The following SHB variants were observed in gnomAD, a reference collection of about 807,000 sequenced individuals.
SHB encodes the protein SH2 domain-containing adapter protein B.
SHB carries 20 observed loss-of-function variants against 52.3 expected under a neutral mutation model. The observed-to-expected ratio is 0.38, with a 90% CI of 0.27 to 0.56. The LOEUF is 0.56. SHB is among the 20% of genes least tolerant of loss of function. SHB has a pLI of 0.71. For missense variants in SHB, 825 were observed against 723.3 expected, an observed-to-expected ratio of 1.14 and a Z score of -1.61; for synonymous variants, 397 against 316.5, an observed-to-expected ratio of 1.25 and a Z score of -2.70.
chr9:37,985,024 C>A (rs1431028298), intron 2 of SHB, among the ~76,000 whole-genome samples: 1 of 152,204 alleles, frequency 6.6e-6, no homozygotes, highest in Admixed American at 6.5e-5. Flanking sequence ...GTTTCCGGAG[C>A]TGTCTAGGAG....
intron 3 of SHB, among the ~76,000 whole-genome samples, chr9:37,958,039 C>T (rs917271222): frequency 4.6e-5 from 7 of 152,172 alleles, no homozygotes; most frequent in African/African-American, 1.4e-4. Context: ...CGTGGAGAGC[C>T]GTTCTGACTG....
rs1832153250 is a variant in SHB at position 37,919,760 on chromosome 9, G to T, written c.*61C>A. The T allele has an allele frequency of 7.2e-7, 1 of 1,390,122 alleles. No homozygotes were observed. Among genetic ancestry groups the T allele is most frequent in the Non-Finnish European group, 1.0e-6 (1 of 986,232 alleles). The allele number at this position is 1,390,122 out of a possible 1,614,324, so 86.1% of individuals were successfully genotyped here. A position where few individuals can be genotyped will look rare whatever the true frequency, so the allele number is the denominator to read the frequency against. Reference sequence around the variant, plus strand: ...GCAACAGTGGCTGGGCTGGTTGGTGGGGGGCCTCTGGCACCTCCAAGTCTC... The same window carrying T: ...GCAACAGTGGCTGGGCTGGTTGGTGTGGGGCCTCTGGCACCTCCAAGTCTC... On this transcript the variant is annotated 3_prime_UTR_variant, in exon 6 of 6. Coordinates refer to ENST00000377707, the MANE Select transcript of SHB (RefSeq NM_003028.3).
At chr9:37,956,173 G>A in intron 3 of SHB, 119 bp from the exon 4 acceptor site, 4 of 903,282 alleles carry the variant, frequency 4.4e-6, no homozygotes, top group East Asian at 2.7e-5. Context: ...CAGGAGGAAG[G>A]GTTTCAAGCA....
At chr9:37,937,180 C>T (rs1210420647) in intron 5 of SHB, among the ~76,000 whole-genome samples, 1 of 152,142 alleles carries the variant, frequency 6.6e-6, no homozygotes, top group Non-Finnish European at 1.5e-5. Flanking sequence ...ATGTCTTTGT[C>T]TCCTCACCCA....
chr9:37,967,632 C>T (rs926409321), intron 3 of SHB, among the ~76,000 whole-genome samples: 5 of 152,218 alleles, frequency 3.3e-5, no homozygotes, highest in Non-Finnish European at 7.3e-5. Flanking sequence ...TCTATGTTCT[C>T]AAAGTGGGGT....
At chr9:38,010,209 A>G (rs1015945831) in intron 2 of SHB, among the ~76,000 whole-genome samples, 5 of 152,170 alleles carry the variant, frequency 3.3e-5, no homozygotes, top group Non-Finnish European at 7.3e-5. Flanking sequence ...ACATCCCTAT[A>G]CCTCATAGGC....
At chr9:38,057,259 G>A (rs151238193) in intron 1 of SHB, among the ~76,000 whole-genome samples, 106 of 152,042 alleles carry the variant, frequency 7.0e-4, no homozygotes, top group African/African-American at 2.5e-3. Context: ...ATGTCTTTAC[G>A]TTTAAAAAAA....
chr9:38,024,787 C>T (rs761673891), intron 1 of SHB, among the ~76,000 whole-genome samples: 4 of 152,180 alleles, frequency 2.6e-5, no homozygotes, highest in Non-Finnish European at 5.9e-5. Flanking sequence ...GAAAATCCAG[C>T]ACATCCCTCC....
At chr9:38,018,251 AGGTTTGC>A (rs1383541075) in intron 1 of SHB, among the ~76,000 whole-genome samples, 2 of 152,178 alleles carry the variant, frequency 1.3e-5, no homozygotes, top group Non-Finnish European at 2.9e-5. Flanking sequence ...GCAAACACAG[AGGTTTGC>A]AGGATATAAA....
At chr9:37,925,190 C>T (rs911889609) in intron 5 of SHB, among the ~76,000 whole-genome samples, 3 of 152,244 alleles carry the variant, frequency 2.0e-5, no homozygotes, top group Non-Finnish European at 4.4e-5. Context: ...GGCAATGAGG[C>T]CCCATGCATC....
intron 1 of SHB, among the ~76,000 whole-genome samples, chr9:38,059,772 A>G (rs1471803737): frequency 1.3e-5 from 2 of 152,096 alleles, no homozygotes; most frequent in African/African-American, 4.8e-5. Flanking sequence ...GCCTCAACAC[A>G]AGGTCAACAC....
rs961766628 is a variant in SHB, at chr9:37,917,010, T to A, written c.*2811A>T. On this transcript the variant is annotated 3_prime_UTR_variant, in exon 6 of 6. Coordinates refer to ENST00000377707, the MANE Select transcript of SHB (RefSeq NM_003028.3). The stretch of plus-strand genomic sequence containing the variant: ...TTCTCTCAAAGAAATCCAGCTCAAT[T>A]TTTTCCCCAATTAATTGGCAGCAGA... Among the ~76,000 whole-genome samples the A allele has an allele frequency of 6.6e-6, 1 of 151,540 alleles. No individual in the cohort carries two copies. Among genetic ancestry groups the A allele is most frequent in the African/African-American group, 2.4e-5 (1 of 41,220 alleles).
intron 5 of SHB, among the ~76,000 whole-genome samples, chr9:37,931,850 A>C (rs1832314418): frequency 6.6e-6 from 1 of 152,248 alleles, no homozygotes; most frequent in African/African-American, 2.4e-5. Context: ...AAGGTCTGTC[A>C]AGGATGAATG....
At chr9:37,956,181 G>A in intron 3 of SHB, 127 bp from the exon 4 acceptor site, 6 of 829,744 alleles carry the variant, frequency 7.2e-6, no homozygotes, top group Non-Finnish European at 9.5e-6. Flanking sequence ...AGGGTTTCAA[G>A]CAATGACATA....
rs188708968 is a variant in SHB, at chr9:38,066,532, C to A, written c.717+1397G>T. On this transcript the variant is annotated intron_variant, in intron 1 of 5. Transcript: ENST00000377707. Reference sequence around the variant, plus strand: ...TCCCAAAGCAGCTCCTAGGTAGCCACCTGGCTCCCAGCTAGTCGTCATCTA... The same window carrying A: ...TCCCAAAGCAGCTCCTAGGTAGCCAACTGGCTCCCAGCTAGTCGTCATCTA... Among the ~76,000 whole-genome samples the A allele has an allele frequency of 1.3e-4, 20 of 152,284 alleles. No individual in the cohort carries two copies. The East Asian group carries it at 2.1e-3, about 16-fold the overall frequency.
chr9:37,942,291 T>C (rs938143602), intron 5 of SHB, among the ~76,000 whole-genome samples: 1 of 152,156 alleles, frequency 6.6e-6, no homozygotes, highest in African/African-American at 2.4e-5. Context: ...AGGAGGCAAG[T>C]TCTTGATAAT....
intron 2 of SHB, among the ~76,000 whole-genome samples, chr9:38,006,846 C>T (rs907180710): frequency 6.6e-6 from 1 of 152,222 alleles, no homozygotes; most frequent in African/African-American, 2.4e-5. Context: ...CACTGGGCCA[C>T]AGCTGTCCCC....
intron 5 of SHB, chr9:37,936,791 A>C (rs1330186723): frequency 6.6e-6 from 1 of 152,216 alleles, no homozygotes; most frequent in Non-Finnish European, 1.5e-5. Flanking sequence ...ACTGGAAACA[A>C]AAACTGGGTG....
intron 5 of SHB, among the ~76,000 whole-genome samples, chr9:37,932,514 T>C (rs1280551213): frequency 6.1e-5 from 9 of 147,560 alleles, no homozygotes; most frequent in Non-Finnish European, 1.3e-4. Flanking sequence ...CAAATTGTAC[T>C]TCATATGGGA....
Sources: allele counts gnomAD v4.1 joint callset (sites outside exome capture counted in the v4.1 genomes callset), GRCh38; gene constraint gnomAD v4.1.1; transcripts MANE v1.5; gene names NCBI Gene and HGNC (gene_info 2026-07-23, HGNC 2026-07-21).